DOCK3: variants seen among roughly 807,000 people sequenced by gnomAD.
The protein encoded by DOCK3 is dedicator of cytokinesis 3.
DOCK3 carries 60 observed loss-of-function variants against 265.6 expected under a neutral mutation model. The ratio of observed to expected loss-of-function variants is 0.23; its 90% CI spans 0.18 to 0.28. DOCK3 has a LOEUF of 0.28. DOCK3 is among the 10% of genes least tolerant of loss of function. The pLI, the probability that DOCK3 is intolerant of heterozygous loss-of-function variation, is 1.00. For synonymous variants in DOCK3, 881 were observed against 938.0 expected (o/e 0.94, Z 1.11); for missense variants, 1,981 against 2,594.3 (o/e 0.76, Z 5.14).
chr3:51,369,303 G>C (rs1474300394), intron 49 of DOCK3, among the ~76,000 whole-genome samples: 2 of 152,206 alleles, frequency 1.3e-5, no homozygotes, highest in Non-Finnish European at 2.9e-5. Flanking sequence ...TGAAAAAAGA[G>C]TAGATGAATG....
intron 4 of DOCK3, among the ~76,000 whole-genome samples, chr3:50,921,154 A>G (rs2050437420): frequency 6.6e-6 from 1 of 152,146 alleles, no homozygotes; most frequent in African/African-American, 2.4e-5. Context: ...TTGCCTGAGG[A>G]GTGCTTTACT....
chr3:51,333,896 T>C (rs1439349631), intron 35 of DOCK3, among the ~76,000 whole-genome samples: 1 of 151,936 alleles, frequency 6.6e-6, no homozygotes, highest in African/African-American at 2.4e-5. Context: ...TCACCCAGAC[T>C]GGAGGGCAAT....
intron 1 of DOCK3, among the ~76,000 whole-genome samples, chr3:50,759,030 C>T (rs953558950): frequency 6.6e-6 from 1 of 152,120 alleles, no homozygotes. Context: ...ACTTGGATTA[C>T]TTTCACCTTT....
intron 1 of DOCK3, among the ~76,000 whole-genome samples, chr3:50,706,796 T>A (rs2036441481): frequency 6.6e-6 from 1 of 152,204 alleles, no homozygotes; most frequent in South Asian, 2.1e-4. Flanking sequence ...TATTCTTTTT[T>A]TTTTGATCTG....
chr3:50,893,167 C>A, intron 4 of DOCK3: 1 of 193,024 alleles, frequency 5.2e-6, no homozygotes. Context: ...GTTGTTTCTT[C>A]AAATGTGCAG....
intron 1 of DOCK3, among the ~76,000 whole-genome samples, chr3:50,710,802 C>A (rs1247328497): frequency 2.6e-5 from 4 of 152,182 alleles, no homozygotes; most frequent in African/African-American, 9.7e-5. Context: ...GTGATATGGA[C>A]AGCATGGACT....
chr3:51,037,056 C>G (rs997225925), intron 5 of DOCK3, among the ~76,000 whole-genome samples: 1 of 152,098 alleles, frequency 6.6e-6, no homozygotes, highest in Non-Finnish European at 1.5e-5. Context: ...TGAAAATGGA[C>G]TAATACACAT....
At chr3:50,781,841 C>T (rs1473880906) in intron 2 of DOCK3, among the ~76,000 whole-genome samples, 4 of 152,138 alleles carry the variant, frequency 2.6e-5, no homozygotes, top group Non-Finnish European at 5.9e-5. Flanking sequence ...CATGTATTCT[C>T]ATCTTTTAGT....
chr3:50,969,644 G>T (rs2077134993), intron 5 of DOCK3, among the ~76,000 whole-genome samples: 1 of 152,040 alleles, frequency 6.6e-6, no homozygotes, highest in Non-Finnish European at 1.5e-5. Flanking sequence ...TTAGAACTCT[G>T]TTGAACACTT....
intron 4 of DOCK3, among the ~76,000 whole-genome samples, chr3:50,897,095 T>C (rs757035570): frequency 2.0e-4 from 31 of 152,208 alleles, no homozygotes; most frequent in Non-Finnish European, 4.3e-4. Context: ...ATTTTCATGA[T>C]ACTGATTCTT....
chr3:51,137,781 TAATATTGCTTACTGAAG>T, intron 9 of DOCK3, among the ~76,000 whole-genome samples: 1 of 152,240 alleles, frequency 6.6e-6, no homozygotes, highest in Non-Finnish European at 1.5e-5. Context: ...AGTTGTCTTG[TAATATTGCTTACTGAAG>T]AGTAAGAATT....
Position 51,357,140 on chromosome 3 carries a change from A to G in DOCK3, c.4682A>G (p.Glu1561Gly). The change falls in exon 44 of 53, where the codon GAG becomes GGG. Residue 1561 changes from glutamate (E) to glycine (G), a missense_variant and splice_region_variant. Physicochemically the swap from Glu to Gly is moderately conservative, Grantham distance 98 (BLOSUM62 -2). Coordinates refer to ENST00000266037, the MANE Select transcript of DOCK3 (RefSeq NM_004947.5). Reference protein sequence around the residue: ...AVNGGIARYQEAFFDKDYINK... With the variant: ...AVNGGIARYQGAFFDKDYINK... Reference sequence around the variant, plus strand: ...AATGGAGGCATTGCACGCTATCAGGAGGTAAGCTGTGGCCACAGGCCAAAC... The same window carrying G: ...AATGGAGGCATTGCACGCTATCAGGGGGTAAGCTGTGGCCACAGGCCAAAC... 1 of 1,611,398 alleles carries G rather than the reference A, an allele frequency of 6.2e-7. No homozygotes were observed. Among genetic ancestry groups the G allele is most frequent in the Non-Finnish European group, 8.5e-7 (1 of 1,179,470 alleles).
intron 4 of DOCK3, among the ~76,000 whole-genome samples, chr3:50,899,729 C>A (rs1316390922): frequency 6.6e-6 from 1 of 152,144 alleles, no homozygotes. Context: ...TTCTCTTTCA[C>A]TTGTGAAGCT....
intron 27 of DOCK3, among the ~76,000 whole-genome samples, chr3:51,288,906 GT>G (rs2081573714): frequency 1.4e-5 from 2 of 142,778 alleles, no homozygotes; most frequent in African/African-American, 5.6e-5. Flanking sequence ...GTGTGTGGGT[GT>G]GTGTGTGTGT....
intron 1 of DOCK3, among the ~76,000 whole-genome samples, chr3:50,697,838 G>T (rs902808181): frequency 6.6e-5 from 10 of 152,100 alleles, no homozygotes; most frequent in Non-Finnish European, 8.8e-5. Flanking sequence ...GTTTTTGTCT[G>T]CTGCTTTGTT....
intron 1 of DOCK3, among the ~76,000 whole-genome samples, chr3:50,753,804 G>T (rs2039986387): frequency 6.6e-6 from 1 of 152,168 alleles, no homozygotes; most frequent in African/African-American, 2.4e-5. Context: ...TTAGGTGGCA[G>T]CTCATCAGTT....
At chr3:50,993,545 C>T (rs1022681234) in intron 5 of DOCK3, among the ~76,000 whole-genome samples, 5 of 152,296 alleles carry the variant, frequency 3.3e-5, no homozygotes, top group African/African-American at 1.2e-4. Context: ...GACTTCTATC[C>T]TCCTCTGCAC....
At chr3:50,802,144 T>G (rs1271675986) in intron 2 of DOCK3, among the ~76,000 whole-genome samples, 1 of 152,200 alleles carries the variant, frequency 6.6e-6, no homozygotes, top group Admixed American at 6.5e-5. Flanking sequence ...TTTTATCCAT[T>G]CAACCTATCT....
At chr3:50,935,951 A>G (rs562681933) in intron 5 of DOCK3, among the ~76,000 whole-genome samples, 1 of 152,318 alleles carries the variant, frequency 6.6e-6, no homozygotes, top group Admixed American at 6.5e-5. Context: ...AAAATCAGGA[A>G]AATAGAAACT....
Sources: allele counts gnomAD v4.1 joint callset (sites outside exome capture counted in the v4.1 genomes callset), GRCh38; gene constraint gnomAD v4.1.1; transcripts MANE v1.5; gene names NCBI Gene and HGNC (gene_info 2026-07-23, HGNC 2026-07-21).